Variants in TXLNB observed in about 807,000 individuals in gnomAD.
TXLNB encodes taxilin beta.
TXLNB carries 37 observed loss-of-function variants against 57.4 expected under a neutral mutation model. The observed-to-expected ratio is 0.64, with a 90% CI of 0.50 to 0.85. TXLNB has a LOEUF of 0.85. Among genes scored for constraint, TXLNB ranks in the 40% least tolerant of loss-of-function variants. The pLI is 0.00. For synonymous variants in TXLNB, 302 were observed against 309.6 expected (o/e 0.98, Z 0.26); for missense variants, 848 against 825.6 (o/e 1.03, Z -0.33).
the TXLNB span, among the ~76,000 whole-genome samples, chr6:139,159,929 G>A: frequency 1.3e-5 from 2 of 152,162 alleles, no homozygotes; most frequent in African/African-American, 2.4e-5. Flanking sequence ...AGCAATGTCC[G>A]GTTTATGGGG....
At chr6:139,210,517 G>A in the TXLNB span, among the ~76,000 whole-genome samples, 3 of 152,180 alleles carry the variant, frequency 2.0e-5, no homozygotes, top group Non-Finnish European at 2.9e-5. Context: ...CAAGATGGCC[G>A]AATAGGAACA....
At chr6:139,299,321 G>A in the TXLNB span, among the ~76,000 whole-genome samples, 3 of 152,108 alleles carry the variant, frequency 2.0e-5, no homozygotes, top group East Asian at 1.9e-4. Context: ...TGCTTCCTTT[G>A]GCTCATGTTC....
the TXLNB span, among the ~76,000 whole-genome samples, chr6:139,305,253 G>A: frequency 1.3e-5 from 2 of 152,060 alleles, no homozygotes; most frequent in Non-Finnish European, 2.9e-5. Flanking sequence ...GTGAAAGATT[G>A]GAAATTTTTG....
At chr6:139,159,427 C>T in the TXLNB span, among the ~76,000 whole-genome samples, 2 of 152,098 alleles carry the variant, frequency 1.3e-5, no homozygotes, top group African/African-American at 4.8e-5. Context: ...CCCATGGAAC[C>T]GGGACTTACA....
At chr6:139,247,656 C>T (rs910032271) in intron 8 of TXLNB, among the ~76,000 whole-genome samples, 161 bp downstream of exon 8, 1 of 150,190 alleles carries the variant, frequency 6.7e-6, no homozygotes, top group Non-Finnish European at 1.5e-5. Context: ...TAGATACTTA[C>T]CAATTAAAAA....
chr6:139,285,257 A>AACAC lies in TXLNB; in HGVS notation c.424+3215_424+3218dup, dbSNP rs57409101. On this transcript the variant is annotated intron_variant, in intron 2 of 9. Coordinates refer to ENST00000358430, the MANE Select transcript of TXLNB (RefSeq NM_153235.4). ...CTATTTTCTTCATATCTTTCCCCTCAACACACACACACACACACACACACA... is the reference window on the plus strand; with the variant it reads ...CTATTTTCTTCATATCTTTCCCCTCAACACACACACACACACACACACACACACA... Among the ~76,000 whole-genome samples the AACAC allele has an allele frequency of 3.4e-3, 410 of 120,066 alleles. 11 individuals carry two copies. The highest frequency in any genetic ancestry group is 0.015 in the East Asian group (67 of 4,348). 78.8% of individuals were successfully genotyped at this position (120,066 alleles called of 152,430 possible). A position where few individuals can be genotyped will look rare whatever the true frequency, so the allele number is the denominator to read the frequency against.
chr6:139,244,858 G>T (rs1776034973), intron 8 of TXLNB, among the ~76,000 whole-genome samples, 168 bp from the exon 9 acceptor site: 1 of 152,162 alleles, frequency 6.6e-6, no homozygotes, highest in East Asian at 1.9e-4. Flanking sequence ...ATTTATTTCT[G>T]AGCCGTCTAG....
chr6:139,187,640 A>C, the TXLNB span, among the ~76,000 whole-genome samples: 1 of 152,214 alleles, frequency 6.6e-6, no homozygotes, highest in African/African-American at 2.4e-5. Flanking sequence ...ACTTTTGGTA[A>C]GTACAGAACT....
chr6:139,187,460 T>G, the TXLNB span, among the ~76,000 whole-genome samples: 1 of 152,224 alleles, frequency 6.6e-6, no homozygotes, highest in Non-Finnish European at 1.5e-5. Flanking sequence ...AATTCAGTAT[T>G]TTGTGTATAT....
chr6:139,222,956 AGG>A, the TXLNB span, among the ~76,000 whole-genome samples: 3 of 152,250 alleles, frequency 2.0e-5, no homozygotes, highest in Non-Finnish European at 4.4e-5. Flanking sequence ...AAGAATCAAC[AGG>A]GTTAAAGAAG....
At chr6:139,220,289 G>T in the TXLNB span, among the ~76,000 whole-genome samples, 1 of 152,186 alleles carries the variant, frequency 6.6e-6, no homozygotes, top group African/African-American at 2.4e-5. Context: ...AATTTCTGTT[G>T]TTTGTAAGCC....
intron 4 of TXLNB, among the ~76,000 whole-genome samples, chr6:139,267,719 T>C (rs1268044976): frequency 6.6e-6 from 1 of 152,222 alleles, no homozygotes; most frequent in Non-Finnish European, 1.5e-5. Context: ...TCCAGCTATA[T>C]GCTATCTTGA....
the TXLNB span, among the ~76,000 whole-genome samples, chr6:139,319,874 A>G: frequency 3.3e-5 from 5 of 152,354 alleles, no homozygotes; most frequent in Admixed American, 2.0e-4. Flanking sequence ...CAATTACAAC[A>G]GGAAATGAGA....
the TXLNB span, among the ~76,000 whole-genome samples, chr6:139,210,080 C>T: frequency 0.37 from 55,913 of 151,918 alleles, 11,669 homozygotes; most frequent in African/African-American, 0.58. Context: ...AAAGAAGATA[C>T]ACAAACAGCC....
the TXLNB span, among the ~76,000 whole-genome samples, chr6:139,191,503 C>T: frequency 1.1e-4 from 17 of 152,152 alleles, no homozygotes; most frequent in African/African-American, 4.1e-4. Flanking sequence ...TGGCTAGTGG[C>T]TACCATATTG....
At chr6:139,259,460 G>A (rs984635124) in intron 6 of TXLNB, among the ~76,000 whole-genome samples, 8 of 152,152 alleles carry the variant, frequency 5.3e-5, no homozygotes, top group Non-Finnish European at 1.0e-4. Context: ...GCATTAGGGC[G>A]TTTGTTGCTG....
chr6:139,213,253 A>G, the TXLNB span, among the ~76,000 whole-genome samples: 1 of 152,236 alleles, frequency 6.6e-6, no homozygotes, highest in Non-Finnish European at 1.5e-5. Context: ...CAAATGTAAA[A>G]GAACAGAAAT....
At chr6:139,187,590 G>GT in the TXLNB span, among the ~76,000 whole-genome samples, 3 of 151,924 alleles carry the variant, frequency 2.0e-5, no homozygotes, top group South Asian at 6.2e-4. Flanking sequence ...AATGGCAAAC[G>GT]TAACTGTGGC....
chr6:139,235,439 T>C (rs565331644), downstream of TXLNB, among the ~76,000 whole-genome samples: 1 of 152,182 alleles, frequency 6.6e-6, no homozygotes, highest in Non-Finnish European at 1.5e-5. Flanking sequence ...TGGGAAGGCA[T>C]GATTATGTTT....
Sources: allele counts gnomAD v4.1 joint callset (sites outside exome capture counted in the v4.1 genomes callset), GRCh38; gene constraint gnomAD v4.1.1; transcripts MANE v1.5; gene names NCBI Gene and HGNC (gene_info 2026-07-23, HGNC 2026-07-21).